RPTOR: variants seen among roughly 807,000 people sequenced by gnomAD.
The protein encoded by RPTOR is regulatory associated protein of MTOR complex 1.
RPTOR carries 21 observed loss-of-function variants against 169.9 expected under a neutral mutation model. The observed-to-expected ratio is 0.12, with a 90% CI of 0.09 to 0.18. RPTOR has a LOEUF of 0.18. Ranked by LOEUF, RPTOR falls within the 10% of genes least tolerant of loss-of-function variation. The pLI is 1.00. For synonymous variants in RPTOR, 732 were observed against 753.2 expected (o/e 0.97, Z 0.46); for missense variants, 1,133 against 1,855.9 (o/e 0.61, Z 7.16).
intron 13 of RPTOR, among the ~76,000 whole-genome samples, chr17:80,862,942 G>A (rs1348950707): frequency 6.6e-6 from 1 of 152,242 alleles, no homozygotes; most frequent in Non-Finnish European, 1.5e-5. Flanking sequence ...ACACACTTAA[G>A]AGTTTGAGAA....
chr17:80,960,029 G>A lies in RPTOR; in HGVS notation c.3478-49G>A, dbSNP rs2069314840. The A allele has an allele frequency of 6.2e-7, 1 of 1,606,650 alleles. No homozygotes were observed. The highest frequency in any genetic ancestry group is 1.1e-5 in the South Asian group (1 of 90,814). On this transcript the variant is annotated intron_variant, in intron 29 of 33. Transcript: ENST00000306801. This position sits in a 1 kb window ranked among gnomAD's most constrained non-coding sequence, Gnocchi z 4.8. Reference sequence around the variant, plus strand: ...CCTGGCGCTGCAGGACAGCAGGGAGGGTGGCTCGGTGCCCCGGTCTTCACC... The same window carrying A: ...CCTGGCGCTGCAGGACAGCAGGGAGAGTGGCTCGGTGCCCCGGTCTTCACC...
intron 5 of RPTOR, among the ~76,000 whole-genome samples, chr17:80,732,211 C>T (rs1342797196): frequency 1.3e-5 from 2 of 150,176 alleles, no homozygotes; most frequent in Admixed American, 6.6e-5. Context: ...ATAAAAATGC[C>T]AAAGAATCCT....
At chr17:80,618,253 C>T (rs2065327869) in intron 1 of RPTOR, among the ~76,000 whole-genome samples, 1 of 152,186 alleles carries the variant, frequency 6.6e-6, no homozygotes, top group South Asian at 2.1e-4. Context: ...TCCCAAAGTG[C>T]TGGGATGACA....
rs1004476681 is a variant in RPTOR, at chr17:80,607,858, A to G, written c.163-17833A>G. ...ACTGAAGGTAAAAATATGTATACAT[A>G]ATTTTTATTATAATGCTACTTAAAC... is the stretch of plus-strand genomic sequence containing the variant. On this transcript the variant is annotated intron_variant, in intron 1 of 33. Transcript: ENST00000306801. Among the ~76,000 whole-genome samples the G allele has an allele frequency of 3.3e-5, 5 of 152,238 alleles. No individual in the cohort carries two copies. The South Asian group carries it at 1.0e-3, about 32-fold the overall frequency.
chr17:80,744,145 T>C (rs1420858726), intron 5 of RPTOR, among the ~76,000 whole-genome samples: 3 of 65,136 alleles, frequency 4.6e-5, no homozygotes, highest in African/African-American at 6.4e-5. Flanking sequence ...ACTAGCACTA[T>C]CCTGGTTACT....
At chr17:80,552,256 CCT>C (rs900049933) in intron 1 of RPTOR, among the ~76,000 whole-genome samples, 2 of 152,190 alleles carry the variant, frequency 1.3e-5, no homozygotes, top group African/African-American at 4.8e-5. Context: ...AACTCAGACT[CCT>C]CTTGCTGGTT....
chr17:80,823,367 A>ATAC lies in RPTOR; in HGVS notation c.1136+144_1136+145insTAC. ...AGCATTAACAAGTGAAGCTAAATGCAGGGCTCCCAGAGATCTCCACACAGA... is the reference window on the plus strand; with the variant it reads ...AGCATTAACAAGTGAAGCTAAATGCATACGGGCTCCCAGAGATCTCCACACAGA... On this transcript the variant is annotated intron_variant, in intron 9 of 33. Transcript: ENST00000306801. The surrounding 1 kb of genome is among the most constrained non-coding windows in gnomAD (Gnocchi z 4.5). The ATAC allele has an allele frequency of 1.1e-6, 1 of 896,902 alleles. No homozygotes were observed. Among genetic ancestry groups the ATAC allele is most frequent in the South Asian group, 2.5e-5 (1 of 40,172 alleles). 55.6% of individuals were successfully genotyped at this position (896,902 alleles called of 1,614,324 possible).
At chr17:80,751,420 T>A (rs1384880497) in intron 5 of RPTOR, among the ~76,000 whole-genome samples, 3 of 152,194 alleles carry the variant, frequency 2.0e-5, no homozygotes, top group Non-Finnish European at 4.4e-5. Flanking sequence ...TCTTTTAACA[T>A]GGAGCTGAAA....
chr17:80,581,344 A>G (rs1157306764), intron 1 of RPTOR, among the ~76,000 whole-genome samples: 5 of 152,234 alleles, frequency 3.3e-5, no homozygotes, highest in Non-Finnish European at 7.3e-5. Flanking sequence ...AAATGCAGGT[A>G]AACATTTAGC....
chr17:80,625,254 C>T (rs2065384243), intron 1 of RPTOR, among the ~76,000 whole-genome samples: 1 of 152,206 alleles, frequency 6.6e-6, no homozygotes, highest in Non-Finnish European at 1.5e-5. Context: ...ATCAATACGA[C>T]AGCTTTTCTC....
chr17:80,798,331 C>T (rs1467060003), intron 7 of RPTOR, among the ~76,000 whole-genome samples: 1 of 152,234 alleles, frequency 6.6e-6, no homozygotes, highest in Non-Finnish European at 1.5e-5. Context: ...GGTTAGGGCA[C>T]CCATGCGTCA....
intron 6 of RPTOR, among the ~76,000 whole-genome samples, chr17:80,776,748 A>C (rs1236878263): frequency 1.3e-5 from 2 of 152,206 alleles, no homozygotes. Flanking sequence ...TGCATATTGC[A>C]GGGGAAAGAC....
intron 11 of RPTOR, among the ~76,000 whole-genome samples, chr17:80,848,920 C>T (rs1310311031): frequency 6.6e-6 from 1 of 152,252 alleles, no homozygotes. Flanking sequence ...GAAGACAGCT[C>T]TGGTCGGAGC....
intron 11 of RPTOR, 64 bp from the exon 12 acceptor site, chr17:80,855,398 AGC>A: frequency 1.7e-6 from 2 of 1,199,776 alleles, no homozygotes; most frequent in Non-Finnish European, 2.5e-6. Flanking sequence ...CAGCTCATGC[AGC>A]AGCGTTTCGG....
At chr17:80,874,536 C>T (rs2068085495) in intron 13 of RPTOR, among the ~76,000 whole-genome samples, 2 of 152,192 alleles carry the variant, frequency 1.3e-5, no homozygotes, top group South Asian at 4.2e-4. Flanking sequence ...AAATATCTTG[C>T]CTCACTTGGC....
At chr17:80,761,771 T>C (rs1221431503) in intron 6 of RPTOR, among the ~76,000 whole-genome samples, 1 of 152,228 alleles carries the variant, frequency 6.6e-6, no homozygotes, top group Admixed American at 6.5e-5. Flanking sequence ...CTCGGGTCTT[T>C]TGCCGCTTCC....
intron 1 of RPTOR, among the ~76,000 whole-genome samples, chr17:80,551,765 C>A (rs968526439): frequency 2.0e-5 from 3 of 152,084 alleles, no homozygotes; most frequent in Non-Finnish European, 4.4e-5. Context: ...TTACGGGTGT[C>A]GGGCTGGGGG....
At chr17:80,649,865 A>G (rs2143616367) in intron 3 of RPTOR, among the ~76,000 whole-genome samples, 1 of 152,328 alleles carries the variant, frequency 6.6e-6, no homozygotes, top group Middle Eastern at 3.4e-3. Context: ...CTCTTCAGCC[A>G]GAAGCCTTCG....
intron 4 of RPTOR, among the ~76,000 whole-genome samples, chr17:80,712,173 TTTG>T (rs1253909954): frequency 2.0e-5 from 3 of 152,186 alleles, no homozygotes; most frequent in African/African-American, 7.2e-5. Flanking sequence ...CTTGCTTTGG[TTTG>T]TTATGTTTTT....
Sources: allele counts gnomAD v4.1 joint callset (sites outside exome capture counted in the v4.1 genomes callset), GRCh38; gene constraint gnomAD v4.1.1; non-coding constraint Gnocchi (gnomAD v3.1); transcripts MANE v1.5; gene names NCBI Gene and HGNC (gene_info 2026-07-23, HGNC 2026-07-21).